The following USH2A variants were observed in gnomAD, a reference collection of about 807,000 sequenced individuals.
USH2A encodes the protein usherin.
USH2A carries 443 observed loss-of-function variants against 538.9 expected under a neutral mutation model. That is an observed-to-expected ratio of 0.82 (90% CI 0.76 to 0.89). The LOEUF is 0.89. Ranked by LOEUF, USH2A falls within the 40% of genes least tolerant of loss-of-function variation. The probability of loss-of-function intolerance (pLI) is 0.00; values close to 1 mark genes in which losing one functional copy is unlikely to be tolerated. For missense variants in USH2A, 6,633 were observed against 6,324.8 expected, an observed-to-expected ratio of 1.05 and a Z score of -1.65; for synonymous variants, 2,413 against 2,273.5, an observed-to-expected ratio of 1.06 and a Z score of -1.75.
chr1:215,858,709 T>G (rs1328517361), intron 44 of USH2A, among the ~76,000 whole-genome samples: 4 of 152,056 alleles, frequency 2.6e-5, no homozygotes, highest in Non-Finnish European at 5.9e-5. Context: ...CTATTAAATG[T>G]TATTTTTAGT....
chr1:216,085,081 C>A, intron 24 of USH2A: 4 of 571,302 alleles, frequency 7.0e-6, no homozygotes, highest in Non-Finnish European at 1.2e-5. Flanking sequence ...GGTTCAAACC[C>A]ATCATATCTG....
intron 21 of USH2A, among the ~76,000 whole-genome samples, chr1:216,143,353 T>C (rs769560706): frequency 2.6e-5 from 4 of 152,188 alleles, no homozygotes; most frequent in Non-Finnish European, 5.9e-5. Context: ...TAAAAATTAG[T>C]AAAATTAACT....
At chr1:215,890,573 C>A (rs1347793263) in intron 40 of USH2A, among the ~76,000 whole-genome samples, 2 of 152,116 alleles carry the variant, frequency 1.3e-5, no homozygotes, top group African/African-American at 4.8e-5. Flanking sequence ...CTAAAAAAAA[C>A]CCTAAAACCA....
intron 21 of USH2A, among the ~76,000 whole-genome samples, chr1:216,109,689 A>G (rs2032820123): frequency 6.6e-6 from 1 of 152,098 alleles, no homozygotes. Flanking sequence ...AGATTGTTCA[A>G]CTGGTTCTAT....
intron 61 of USH2A, among the ~76,000 whole-genome samples, chr1:215,693,562 C>T (rs532072704): frequency 1.4e-4 from 22 of 152,166 alleles, no homozygotes; most frequent in African/African-American, 4.8e-4. Context: ...TTTCAAGACC[C>T]CTGTTTCTTA....
rs182556110 is a variant in USH2A, at chr1:216,300,984, A to T, written c.1645-8614T>A. Among the ~76,000 whole-genome samples, 12 of 152,078 alleles carry T rather than the reference A, an allele frequency of 7.9e-5. No individual in the cohort carries two copies. In the East Asian group the frequency reaches 2.3e-3, roughly 29 times the overall value. The stretch of plus-strand genomic sequence containing the variant: ...AGGCTCGTCTCAAACTCCTGACTTC[A>T]AGTGATCCGCCCACCTCGGCCTACC... On this transcript the variant is annotated intron_variant, in intron 9 of 71. Transcript: ENST00000307340.
chr1:216,175,083 A>G, intron 21 of USH2A, 169 bp downstream of exon 21: 1 of 1,449,264 alleles, frequency 6.9e-7, no homozygotes, highest in South Asian at 1.4e-5. Context: ...TTTCCCCAGA[A>G]TTCTAAAAAG....
intron 69 of USH2A, among the ~76,000 whole-genome samples, chr1:215,637,071 G>T (rs985063940): frequency 6.6e-6 from 1 of 152,086 alleles, no homozygotes; most frequent in Non-Finnish European, 1.5e-5. Context: ...GAGGTTCACT[G>T]TCAGGGTTTG....
chr1:215,707,852 G>T (rs1004775368), intron 61 of USH2A, among the ~76,000 whole-genome samples: 1 of 152,168 alleles, frequency 6.6e-6, no homozygotes, highest in Non-Finnish European at 1.5e-5. Flanking sequence ...GTATACACAA[G>T]AAATCATCAT....
intron 50 of USH2A, among the ~76,000 whole-genome samples, chr1:215,797,436 C>A (rs1329686975): frequency 6.6e-6 from 1 of 152,114 alleles, no homozygotes; most frequent in African/African-American, 2.4e-5. Context: ...CCAACTAGAG[C>A]TTTCATAGGT....
At chr1:216,289,623 ATC>A (rs1339864037) in intron 10 of USH2A, among the ~76,000 whole-genome samples, 3 of 152,150 alleles carry the variant, frequency 2.0e-5, no homozygotes, top group Non-Finnish European at 2.9e-5. Context: ...TTAAACTCCC[ATC>A]TGTTATATAA....
Position 216,325,570 on chromosome 1 carries a change from A to C in USH2A, c.878T>G (p.Leu293Arg), listed in dbSNP as rs776664661. The change falls in exon 6 of 72, where the codon CTT becomes CGT. Residue 293 changes from leucine to arginine, a missense_variant. By Grantham distance (102) the Leu-to-Arg change is moderately radical. Coordinates refer to ENST00000307340, the MANE Select transcript of USH2A (RefSeq NM_206933.4). ...ATGTGATTGGGCATGCAATCTGAGA[A>C]GATCTCCAGAGAAGACTTCCAGAAT... ...REILEVFSGD[L>R]LRLHAQSHCR... 6.2e-7 allele frequency: 1 copy of C among 1,613,376 alleles called. No individual in the cohort carries two copies. The highest frequency in any genetic ancestry group is 1.1e-5 in the South Asian group (1 of 91,062).
chr1:216,143,495 A>G (rs2033639631), intron 21 of USH2A, among the ~76,000 whole-genome samples: 1 of 152,188 alleles, frequency 6.6e-6, no homozygotes, highest in South Asian at 2.1e-4. Flanking sequence ...TTGTTTTGAG[A>G]TGATGAAAAA....
chr1:215,983,411 T>G (rs1168048541), intron 35 of USH2A, among the ~76,000 whole-genome samples: 1 of 152,224 alleles, frequency 6.6e-6, no homozygotes, highest in East Asian at 1.9e-4. Flanking sequence ...TTGATTATTA[T>G]TTGAAAAATT....
rs565863849 is a variant in USH2A at position 216,056,200 on chromosome 1, C to T, written c.6050-7553G>A. ...TTCTAATTTGCCAATAAGTTTGAAG[C>T]CACGTGCTTGTGTTAACTCTTTACC... is the stretch of plus-strand genomic sequence containing the variant. On this transcript the variant is annotated intron_variant, in intron 30 of 71. Coordinates refer to ENST00000307340, the MANE Select transcript of USH2A (RefSeq NM_206933.4). Among the ~76,000 whole-genome samples the T allele has an allele frequency of 2.0e-5, 3 of 152,270 alleles. No individual in the cohort carries two copies. In the East Asian group the frequency reaches 5.8e-4, roughly 29 times the overall value.
At chr1:215,937,853 T>G (rs888796263) in intron 37 of USH2A, among the ~76,000 whole-genome samples, 1 of 152,014 alleles carries the variant, frequency 6.6e-6, no homozygotes, top group African/African-American at 2.4e-5. Flanking sequence ...TATGTATGAG[T>G]ATAATATTGG....
intron 3 of USH2A, among the ~76,000 whole-genome samples, chr1:216,396,594 C>T (rs1314679226): frequency 6.6e-6 from 1 of 152,078 alleles, no homozygotes; most frequent in Non-Finnish European, 1.5e-5. Context: ...TTAATCATTA[C>T]ACGAACCAGT....
At position 215,860,053 on chromosome 1, in the gene USH2A, T is replaced by C. The variant is rs74613534; in HGVS notation, c.8845+6954A>G. On this transcript the variant is annotated intron_variant, in intron 44 of 71. Coordinates refer to ENST00000307340, the MANE Select transcript of USH2A (RefSeq NM_206933.4). ...GAGTGGGTTTTTAGAAAGCCGGGCATCCCTTGGATTTTGCATCTTTGCACA... is the reference window on the plus strand; with the variant it reads ...GAGTGGGTTTTTAGAAAGCCGGGCACCCCTTGGATTTTGCATCTTTGCACA... Among the ~76,000 whole-genome samples the C allele has an allele frequency of 7.2e-3, 1,101 of 152,264 alleles. 9 individuals are homozygous for C. Among genetic ancestry groups the C allele is most frequent in the African/African-American group, 0.025 (1,044 of 41,552 alleles).
rs1164060953 is a variant in USH2A at position 215,789,932 on chromosome 1, A to T, written c.10182+127T>A. On this transcript the variant is annotated intron_variant, in intron 51 of 71. Transcript: ENST00000307340. ...GCGAACTCATTCGGTATTAATATGGATGTAATGTGAAAATGAATAATGCAC... is the reference window on the plus strand; with the variant it reads ...GCGAACTCATTCGGTATTAATATGGTTGTAATGTGAAAATGAATAATGCAC... The T allele has an allele frequency of 1.1e-5, 9 of 829,818 alleles. No homozygotes were observed. In the Admixed American group the frequency reaches 1.1e-4, roughly 10 times the overall value. 51.4% of individuals were successfully genotyped at this position (829,818 alleles called of 1,614,324 possible).
Sources: allele counts gnomAD v4.1 joint callset (sites outside exome capture counted in the v4.1 genomes callset), GRCh38; gene constraint gnomAD v4.1.1; transcripts MANE v1.5; gene names NCBI Gene and HGNC (gene_info 2026-07-23, HGNC 2026-07-21).